The following CFHR3 variants were observed in gnomAD, a reference collection of about 807,000 sequenced individuals.
The protein encoded by CFHR3 is complement factor H-related protein 3.
A neutral mutation model predicts 36.0 loss-of-function variants in CFHR3; 22 were observed. That is an observed-to-expected ratio of 0.61 (90% CI 0.44 to 0.87). CFHR3 has a LOEUF of 0.87. Ranked by LOEUF, CFHR3 falls within the 40% of genes least tolerant of loss-of-function variation. The probability of loss-of-function intolerance (pLI) is 0.00; values close to 1 mark genes in which losing one functional copy is unlikely to be tolerated. For missense variants in CFHR3, 276 were observed against 401.3 expected (o/e 0.69, Z 2.67); for synonymous variants, 97 against 137.4 (o/e 0.71, Z 2.06).
Position 196,776,701 on chromosome 1 carries a change from T to A in CFHR3, c.58+1757T>A, listed in dbSNP as rs1315928375. On this transcript the variant is annotated intron_variant, in intron 1 of 5. Coordinates refer to ENST00000367425, the MANE Select transcript of CFHR3 (RefSeq NM_021023.6). The stretch of plus-strand genomic sequence containing the variant: ...ATCTCAAACTAGTAGCCTCCAGAAC[T>A]GTGAGAAAATAAATTTCTATGAAAT... Among the ~76,000 whole-genome samples the A allele has an allele frequency of 2.2e-5, 3 of 137,024 alleles. 1 individual carries two copies. Among genetic ancestry groups the A allele is most frequent in the African/African-American group, 6.1e-5 (2 of 32,898 alleles). The allele number at this position is 137,024 out of a possible 152,430, so 89.9% of individuals were successfully genotyped here. A position where few individuals can be genotyped will look rare whatever the true frequency, so the allele number is the denominator to read the frequency against.
At chr1:196,788,692 T>C in intron 4 of CFHR3, 2 of 1,455,024 alleles carry the variant, frequency 1.4e-6, no homozygotes, top group South Asian at 2.7e-5. Context: ...AATATGTTAG[T>C]TGCCAATAAA....
chr1:196,779,806 A>G lies in CFHR3; in HGVS notation c.263A>G (p.Tyr88Cys). Residue 88 changes from tyrosine to cysteine, a missense_variant, in exon 3 of 6, where the codon TAT becomes TGT. Tyr to Cys is a radical substitution (Grantham distance 194). Around this residue, in one of 3 missense-constraint regions of CFHR3, gnomAD observed 178 missense variants for 247.2 expected, o/e 0.72. Transcript: ENST00000367425. ...SPAVPCLRKC[Y>C]FPYLENGYNQ... ...ATTGCTATGTCCTTAGGAAAATGTT[A>G]TTTTCCTTATTTGGAAAATGGATAT... 3 of 1,523,216 alleles carry G rather than the reference A, an allele frequency of 2.0e-6. No homozygotes were observed. Among genetic ancestry groups the G allele is most frequent in the South Asian group, 1.3e-5 (1 of 79,186 alleles). 94.4% of individuals were successfully genotyped at this position (1,523,216 alleles called of 1,614,324 possible). A position where few individuals can be genotyped will look rare whatever the true frequency, so the allele number is the denominator to read the frequency against.
intron 5 of CFHR3, among the ~76,000 whole-genome samples, chr1:196,792,274 T>C (rs1654452129): frequency 8.9e-6 from 1 of 112,500 alleles, no homozygotes; most frequent in African/African-American, 4.6e-5. Context: ...TAAAATATGA[T>C]TGGGGAAATT....
chr1:196,791,777 T>C (rs1187972639), intron 5 of CFHR3, among the ~76,000 whole-genome samples: 3 of 135,042 alleles, frequency 2.2e-5, no homozygotes, highest in African/African-American at 3.2e-5. Context: ...CTTGATTTCA[T>C]AGAAAAGTGT....
At chr1:196,789,564 C>T (rs1390490829) in intron 4 of CFHR3, 1 of 1,132,734 alleles carries the variant, frequency 8.8e-7, no homozygotes, top group East Asian at 3.1e-5. Flanking sequence ...TATATACACC[C>T]TTACTGTTAG....
At chr1:196,780,060 G>A in intron 3 of CFHR3, 87 bp downstream of exon 3, 1 of 1,469,320 alleles carries the variant, frequency 6.8e-7, no homozygotes, top group Non-Finnish European at 9.2e-7. Context: ...TATTAACTGT[G>A]GCAAAATGTT....
chr1:196,786,448 G>T (rs1232603748), intron 3 of CFHR3, among the ~76,000 whole-genome samples: 1 of 135,872 alleles, frequency 7.4e-6, no homozygotes, highest in African/African-American at 3.1e-5. Context: ...GAGCTGTGGT[G>T]GGCTCCACCC....
At chr1:196,788,509 A>C in intron 4 of CFHR3, 111 bp downstream of exon 4, 1 of 1,402,884 alleles carries the variant, frequency 7.1e-7, no homozygotes, top group Non-Finnish European at 9.6e-7. Context: ...AAAGAGATAC[A>C]AATACTTCTA....
intron 3 of CFHR3, among the ~76,000 whole-genome samples, chr1:196,784,103 T>G: frequency 7.3e-6 from 1 of 136,664 alleles, no homozygotes; most frequent in East Asian, 1.9e-4. Context: ...TTCCATGTAG[T>G]TGAGCAGTTT....
In CFHR3 at chr1:196,777,251, AAC is replaced by A. The variant is rs1302945140; in HGVS notation, c.59-1909_59-1908del. 1.5e-5 allele frequency among the ~76,000 whole-genome samples: 2 copies of A among 137,228 alleles called. 1 individual carries two copies. Among genetic ancestry groups the A allele is most frequent in the African/African-American group, 6.1e-5 (2 of 32,938 alleles). 90.0% of individuals were successfully genotyped at this position (137,228 alleles called of 152,430 possible). A position where few individuals can be genotyped will look rare whatever the true frequency, so the allele number is the denominator to read the frequency against. On this transcript the variant is annotated intron_variant, in intron 1 of 5. Coordinates refer to ENST00000367425, the MANE Select transcript of CFHR3 (RefSeq NM_021023.6). The stretch of plus-strand genomic sequence containing the variant: ...CATAAGTTATTTACACTTATTTAAA[AAC>A]AGGTTGTCAGGAAAATTATTTTTAA...
rs748788319 is a variant in CFHR3, at chr1:196,779,147, G to GT, written c.59-9dup. On this transcript the variant is annotated splice_polypyrimidine_tract_variant and intron_variant, in intron 1 of 5. Coordinates refer to ENST00000367425, the MANE Select transcript of CFHR3 (RefSeq NM_021023.6). ...AAAAATTATTTATACTTTTTTGTTT[G>GT]TTTTTTATTGCAAGTGAAACCTTGT... The GT allele has an allele frequency of 6.7e-6, 10 of 1,495,514 alleles. 2 individuals are homozygous for GT. Among genetic ancestry groups the GT allele is most frequent in the Middle Eastern group, 1.9e-4 (1 of 5,250 alleles). The allele number at this position is 1,495,514 out of a possible 1,614,324, so 92.6% of individuals were successfully genotyped here. A position where few individuals can be genotyped will look rare whatever the true frequency, so the allele number is the denominator to read the frequency against.
At chr1:196,788,757 C>G (rs1409216809) in intron 4 of CFHR3, 3 of 1,451,020 alleles carry the variant, frequency 2.1e-6, no homozygotes, top group African/African-American at 3.4e-5. Flanking sequence ...GCTTGTATTG[C>G]ATTCCGTGCT....
chr1:196,779,254 T>G lies in CFHR3; in HGVS notation c.151T>G (p.Tyr51Asp), dbSNP rs1653849285. 2 of 1,524,730 alleles carry G rather than the reference T, an allele frequency of 1.3e-6. No homozygotes were observed. Among genetic ancestry groups the G allele is most frequent in the Admixed American group, 1.7e-5 (1 of 58,202 alleles). 94.5% of individuals were successfully genotyped at this position (1,524,730 alleles called of 1,614,324 possible). ...PYFPVAVGKY[Y>D]SYYCDEHFET... ...CTTTCCAGTAGCTGTAGGAAAATAT[T>G]ACTCCTATTACTGTGATGAACATTT... The change falls in exon 2 of 6, where the codon TAC (tyrosine) becomes GAC (aspartate). Residue 51 changes from tyrosine (Y) to aspartate (D), a missense_variant. By Grantham distance (160) the Tyr-to-Asp change is radical. Around this residue, in one of 3 missense-constraint regions of CFHR3, gnomAD observed 178 missense variants for 247.2 expected, o/e 0.72. Transcript: ENST00000367425.
rs1159903333 is a variant in CFHR3 at position 196,795,031 on chromosome 1, T to G, written c.*1518T>G. The G allele has an allele frequency of 7.3e-6, 1 of 136,660 alleles. No individual in the cohort carries two copies. Among genetic ancestry groups the G allele is most frequent in the Non-Finnish European group, 1.5e-5 (1 of 64,578 alleles). 8.5% of individuals were successfully genotyped at this position (136,660 alleles called of 1,614,324 possible). On this transcript the variant is annotated 3_prime_UTR_variant, in exon 6 of 6. Transcript: ENST00000367425. ...AGACTGGAGAATAAAAAGTAAAAAA[T>G]TGTTTTATTAATTCCAGTGACTAAT...
Position 196,793,595 on chromosome 1 carries a change from G to A in CFHR3, c.*82G>A. ...TATGGTCTCAAAGCTTGCAAAGATA[G>A]CTTCTGATATTGTTGTAATTTCTAC... On this transcript the variant is annotated 3_prime_UTR_variant, in exon 6 of 6. Transcript: ENST00000367425. 1 of 1,264,264 alleles carries A rather than the reference G, an allele frequency of 7.9e-7. No individual in the cohort carries two copies. Among genetic ancestry groups the A allele is most frequent in the East Asian group, 2.3e-5 (1 of 42,734 alleles). 78.3% of individuals were successfully genotyped at this position (1,264,264 alleles called of 1,614,324 possible).
Position 196,788,601 on chromosome 1 carries a change from C to G in CFHR3, c.613+203C>G, listed in dbSNP as rs1327504840. ...ACTTGGGAAGATGATCATTTCATCTCTTACAACTCAATCTGCCTTTACATA... is the reference window on the plus strand; with the variant it reads ...ACTTGGGAAGATGATCATTTCATCTGTTACAACTCAATCTGCCTTTACATA... On this transcript the variant is annotated intron_variant, in intron 4 of 5. Transcript: ENST00000367425. 4.0e-6 allele frequency: 5 copies of G among 1,240,188 alleles called. 1 individual carries two copies. Among genetic ancestry groups the G allele is most frequent in the Admixed American group, 4.4e-5 (2 of 45,800 alleles). 76.8% of individuals were successfully genotyped at this position (1,240,188 alleles called of 1,614,324 possible). A position where few individuals can be genotyped will look rare whatever the true frequency, so the allele number is the denominator to read the frequency against.
At chr1:196,784,900 G>T (rs1284525221) in intron 3 of CFHR3, among the ~76,000 whole-genome samples, 2 of 134,270 alleles carry the variant, frequency 1.5e-5, no homozygotes, top group Admixed American at 7.1e-5. Context: ...TCCTAGTCTC[G>T]ATGGTCTTTA....
chr1:196,781,079 A>C lies in CFHR3; in HGVS notation c.430+1106A>C, dbSNP rs1306769906. ...TGGTGTTTTGTCCTTGTGATAGTTT[A>C]CTGAGAATGGTGATTTCCAGTTTCA... On this transcript the variant is annotated intron_variant, in intron 3 of 5. Transcript: ENST00000367425. 1.5e-5 allele frequency among the ~76,000 whole-genome samples: 2 copies of C among 130,752 alleles called. 1 individual carries two copies. The highest frequency in any genetic ancestry group is 3.2e-5 in the Non-Finnish European group (2 of 63,028). The allele number at this position is 130,752 out of a possible 152,430, so 85.8% of individuals were successfully genotyped here.
intron 4 of CFHR3, chr1:196,788,695 C>A (rs1192026841): frequency 1.4e-6 from 2 of 1,454,064 alleles, no homozygotes; most frequent in Non-Finnish European, 1.8e-6. Flanking sequence ...ATGTTAGTTG[C>A]CAATAAAAAC....
Sources: gnomAD v4.1 joint callset for allele counts (sites outside exome capture counted in the v4.1 genomes callset) on GRCh38, gnomAD v4.1.1 for gene constraint, gnomAD v4.1.1 regional missense constraint, MANE v1.5 for transcripts, NCBI Gene and HGNC (gene_info 2026-07-23, HGNC 2026-07-21) for gene names.